CTNNA3: variants seen among roughly 807,000 people sequenced by gnomAD.
The protein encoded by CTNNA3 is catenin alpha 3, also known as catenin alpha-3.
CTNNA3 carries 76 observed loss-of-function variants against 95.7 expected under a neutral mutation model. The ratio of observed to expected loss-of-function variants is 0.79; its 90% CI spans 0.66 to 0.96. The LOEUF is 0.96. Ranked by LOEUF, CTNNA3 falls within the 40% of genes least tolerant of loss-of-function variation. The pLI is 0.00. For missense variants in CTNNA3, 1,191 were observed against 1,089.8 expected (o/e 1.09, Z -1.31); for synonymous variants, 431 against 374.4 (o/e 1.15, Z -1.74).
At chr10:66,184,330 A>G (rs1160572615) in intron 13 of CTNNA3, among the ~76,000 whole-genome samples, 1 of 152,124 alleles carries the variant, frequency 6.6e-6, no homozygotes, top group Non-Finnish European at 1.5e-5. Context: ...TTTAACTTTA[A>G]TGTAGTTAAA....
chr10:66,474,689 T>C (rs1401837787), intron 11 of CTNNA3, among the ~76,000 whole-genome samples: 2 of 152,062 alleles, frequency 1.3e-5, no homozygotes, highest in Non-Finnish European at 1.5e-5. Flanking sequence ...CTCCTTTCTC[T>C]GCATCCATAC....
rs57191343 is a variant in CTNNA3, at chr10:67,732,220, G to A, written c.-2+31214C>T. 9.9e-3 allele frequency among the ~76,000 whole-genome samples: 1,497 copies of A among 151,960 alleles called. 14 individuals are homozygous for A. Among genetic ancestry groups the A allele is most frequent in the African/African-American group, 0.035 (1,437 of 41,406 alleles). ...GATATATTGCATAATGGTGAGGTCG[G>A]GCCTTTTAGTGTGTGAACTTGTATT... On this transcript the variant is annotated intron_variant, in intron 1 of 17. Coordinates refer to the CTNNA3 transcript ENST00000684154.
chr10:66,858,352 C>T (rs1015787272), intron 7 of CTNNA3, among the ~76,000 whole-genome samples: 1 of 151,712 alleles, frequency 6.6e-6, no homozygotes, highest in African/African-American at 2.4e-5. Flanking sequence ...AGGATATTGG[C>T]TTTAAGTTTT....
intron 7 of CTNNA3, among the ~76,000 whole-genome samples, chr10:66,953,835 G>A (rs1848660573): frequency 6.6e-6 from 1 of 151,926 alleles, no homozygotes; most frequent in Non-Finnish European, 1.5e-5. Flanking sequence ...TAGAGACACT[G>A]GTCAGTTCAA....
chr10:67,156,509 T>TG (rs1258945064), intron 7 of CTNNA3, among the ~76,000 whole-genome samples: 1 of 152,128 alleles, frequency 6.6e-6, no homozygotes, highest in Non-Finnish European at 1.5e-5. Flanking sequence ...ATATTTTCAA[T>TG]TGCTTTAGAT....
At chr10:65,927,497 T>C (rs1036410931) in intron 17 of CTNNA3, among the ~76,000 whole-genome samples, 4 of 152,184 alleles carry the variant, frequency 2.6e-5, no homozygotes, top group African/African-American at 9.7e-5. Context: ...AGATCTGCTA[T>C]AGAGCACCAC....
intron 1 of CTNNA3, among the ~76,000 whole-genome samples, chr10:67,657,880 GAAA>G (rs1294294385): frequency 7.3e-6 from 1 of 136,220 alleles, no homozygotes; most frequent in Non-Finnish European, 1.6e-5. Flanking sequence ...GACAAGACAA[GAAA>G]AAAAAGAAAA....
intron 5 of CTNNA3, among the ~76,000 whole-genome samples, chr10:67,431,973 C>A (rs1846124615): frequency 6.6e-6 from 1 of 151,934 alleles, no homozygotes; most frequent in African/African-American, 2.4e-5. Flanking sequence ...CATCTGAACT[C>A]CACCTTCTCC....
At chr10:65,978,449 C>A (rs757199784) in intron 16 of CTNNA3, among the ~76,000 whole-genome samples, 2 of 150,796 alleles carry the variant, frequency 1.3e-5, no homozygotes, top group Non-Finnish European at 3.0e-5. Flanking sequence ...TTTCCTTGCA[C>A]GTGTTGTTGT....
At chr10:67,134,696 A>G (rs1170685418) in intron 7 of CTNNA3, among the ~76,000 whole-genome samples, 2 of 152,030 alleles carry the variant, frequency 1.3e-5, no homozygotes, top group Non-Finnish European at 2.9e-5. Flanking sequence ...CCTAGCTTGC[A>G]CTCTTTGTTT....
intron 7 of CTNNA3, among the ~76,000 whole-genome samples, chr10:67,107,261 T>C (rs1327818195): frequency 6.6e-6 from 1 of 152,236 alleles, no homozygotes; most frequent in African/African-American, 2.4e-5. Context: ...AAATTAAATC[T>C]CTTGGCCTTT....
chr10:66,546,932 A>G (rs1380546892), intron 10 of CTNNA3, among the ~76,000 whole-genome samples: 2 of 152,178 alleles, frequency 1.3e-5, no homozygotes, highest in African/African-American at 4.8e-5. Flanking sequence ...GTCAGAGTAG[A>G]TTATACTGCA....
rs1053570779 is a variant in CTNNA3 at position 66,585,515 on chromosome 10, G to T, written c.1374+36177C>A. Among the ~76,000 whole-genome samples, 3 of 151,740 alleles carry T rather than the reference G, an allele frequency of 2.0e-5. No homozygotes were observed. In the East Asian group the frequency reaches 5.8e-4, roughly 30 times the overall value. On this transcript the variant is annotated intron_variant, in intron 10 of 17. Coordinates refer to ENST00000433211, the MANE Select transcript of CTNNA3 (RefSeq NM_013266.4). ...CTTTTCACTGCATTTTGTAGTTGCC[G>T]AAATGTGTAGTCTTTCATAGAAGTT...
At chr10:66,512,850 T>C (rs1357939168) in intron 11 of CTNNA3, among the ~76,000 whole-genome samples, 1 of 152,182 alleles carries the variant, frequency 6.6e-6, no homozygotes, top group Non-Finnish European at 1.5e-5. Flanking sequence ...TCCTAGCTTG[T>C]AAGTTTCTTC....
At chr10:66,268,942 A>C (rs938863662) in intron 13 of CTNNA3, among the ~76,000 whole-genome samples, 1 of 152,168 alleles carries the variant, frequency 6.6e-6, no homozygotes, top group Admixed American at 6.5e-5. Context: ...ATTCAGGAAA[A>C]CAGGCTGGCA....
At chr10:66,581,666 T>G (rs750559454) in intron 10 of CTNNA3, among the ~76,000 whole-genome samples, 57 of 151,746 alleles carry the variant, frequency 3.8e-4, no homozygotes, top group Non-Finnish European at 6.5e-4. Flanking sequence ...CTATTCATTA[T>G]TTTTGTTTTG....
intron 9 of CTNNA3, among the ~76,000 whole-genome samples, chr10:66,646,761 C>T (rs1244545361): frequency 1.3e-5 from 2 of 152,076 alleles, no homozygotes; most frequent in Non-Finnish European, 2.9e-5. Context: ...AAGTCTTGTT[C>T]AGATGGAAAA....
chr10:67,598,982 T>C (rs1197124580), intron 3 of CTNNA3, among the ~76,000 whole-genome samples: 1 of 152,212 alleles, frequency 6.6e-6, no homozygotes, highest in Non-Finnish European at 1.5e-5. Flanking sequence ...TGTGCTGTGA[T>C]TTCAATTGCT....
At chr10:67,523,512 A>T (rs1041402822) in intron 4 of CTNNA3, among the ~76,000 whole-genome samples, 3 of 152,194 alleles carry the variant, frequency 2.0e-5, no homozygotes, top group Non-Finnish European at 2.9e-5. Flanking sequence ...CTCTATCCTT[A>T]ACTCTAACAC....
Sources: gnomAD v4.1 joint callset for allele counts (sites outside exome capture counted in the v4.1 genomes callset) on GRCh38, gnomAD v4.1.1 for gene constraint, MANE v1.5 for transcripts, NCBI Gene and HGNC (gene_info 2026-07-23, HGNC 2026-07-21) for gene names.